Variants in GRIK4 observed in about 807,000 individuals in gnomAD.
GRIK4 encodes glutamate ionotropic receptor kainate type subunit 4.
A neutral mutation model predicts 104.9 loss-of-function variants in GRIK4; 40 were observed. The observed-to-expected ratio is 0.38, with a 90% CI of 0.30 to 0.50. GRIK4 has a LOEUF of 0.50. Ranked by LOEUF, GRIK4 falls within the 20% of genes least tolerant of loss-of-function variation. The pLI, the probability that GRIK4 is intolerant of heterozygous loss-of-function variation, is 0.93. For synonymous variants in GRIK4, 485 were observed against 524.9 expected (o/e 0.92, Z 1.04); for missense variants, 1,047 against 1,308.1 (o/e 0.80, Z 3.08).
chr11:120,841,097 T>C (rs187985443), intron 8 of GRIK4, among the ~76,000 whole-genome samples: 10 of 152,366 alleles, frequency 6.6e-5, no homozygotes, highest in Admixed American at 6.5e-4. Context: ...CTTTGTATTA[T>C]TGTGGTGAAA....
At chr11:120,841,861 A>G (rs1477308755) in intron 8 of GRIK4, among the ~76,000 whole-genome samples, 1 of 152,118 alleles carries the variant, frequency 6.6e-6, no homozygotes, top group Non-Finnish European at 1.5e-5. Context: ...GAAGTGTGCA[A>G]ATTGGAAGAA....
intron 8 of GRIK4, among the ~76,000 whole-genome samples, chr11:120,853,512 T>C (rs1291960300): frequency 6.6e-6 from 1 of 152,186 alleles, no homozygotes; most frequent in African/African-American, 2.4e-5. Flanking sequence ...AAAGGAATTA[T>C]AATGTCCTCA....
intron 1 of GRIK4, among the ~76,000 whole-genome samples, chr11:120,553,498 G>C (rs1948158881): frequency 6.6e-6 from 1 of 152,230 alleles, no homozygotes; most frequent in African/African-American, 2.4e-5. Context: ...TGTGGAAAGA[G>C]AGGGGAACAA....
intron 9 of GRIK4, chr11:120,862,377 G>T (rs965671461): frequency 5.2e-6 from 2 of 388,278 alleles, no homozygotes; most frequent in East Asian, 4.1e-5. Flanking sequence ...GTCCCCTGTG[G>T]CCAGACTCTC....
intron 18 of GRIK4, chr11:120,963,058 T>C (rs642280): frequency 0.17 from 27,252 of 164,950 alleles, 2,679 homozygotes; most frequent in East Asian, 0.34. Flanking sequence ...CTATCTCTAC[T>C]AGCAGTGGGA....
At chr11:120,919,071 C>T (rs945913840) in intron 13 of GRIK4, among the ~76,000 whole-genome samples, 10 of 152,180 alleles carry the variant, frequency 6.6e-5, no homozygotes, top group East Asian at 1.9e-4. Flanking sequence ...TCAAAGCCCA[C>T]GGTCATTCTA....
intron 3 of GRIK4, among the ~76,000 whole-genome samples, chr11:120,788,604 G>C (rs554911098): frequency 6.6e-6 from 1 of 151,680 alleles, no homozygotes; most frequent in Non-Finnish European, 1.5e-5. Context: ...AGGGGGAGCC[G>C]TCCCTTCTCT....
chr11:120,623,116 C>G (rs1949210237), intron 1 of GRIK4, among the ~76,000 whole-genome samples: 1 of 152,048 alleles, frequency 6.6e-6, no homozygotes. Context: ...TGTGGGAACC[C>G]CTTGGAGCCA....
At chr11:120,542,212 T>C (rs1948044908) in intron 1 of GRIK4, among the ~76,000 whole-genome samples, 1 of 152,156 alleles carries the variant, frequency 6.6e-6, no homozygotes, top group Admixed American at 6.5e-5. Context: ...AGAAGGACAG[T>C]CTCTTCAATA....
rs1944058174 is a variant in GRIK4, at chr11:120,953,509, G to A, written c.1700+545G>A. 6.6e-6 allele frequency among the ~76,000 whole-genome samples: 1 copy of A among 152,206 alleles called. No homozygotes were observed. Among genetic ancestry groups the A allele is most frequent in the African/African-American group, 2.4e-5 (1 of 41,448 alleles). On this transcript the variant is annotated intron_variant, in intron 15 of 20. Transcript: ENST00000527524. This position sits in a 1 kb window ranked among gnomAD's most constrained non-coding sequence, Gnocchi z 4.9. ...CTGCCTCTGAAAACACAGCTGCCTT[G>A]TCGAATGGGAACCATGGAGGCTGCT...
chr11:120,635,947 C>G (rs554123413), intron 1 of GRIK4, among the ~76,000 whole-genome samples: 3 of 152,316 alleles, frequency 2.0e-5, no homozygotes, highest in African/African-American at 4.8e-5. Flanking sequence ...CACTGTGACC[C>G]CCAAGGCATC....
At chr11:120,769,902 G>A (rs1367233036) in intron 3 of GRIK4, among the ~76,000 whole-genome samples, 2 of 152,154 alleles carry the variant, frequency 1.3e-5, no homozygotes, top group East Asian at 3.8e-4. Flanking sequence ...CAGTTTCTGG[G>A]CAACACTTCT....
chr11:120,735,099 G>T (rs1951197735), intron 3 of GRIK4, among the ~76,000 whole-genome samples: 2 of 152,134 alleles, frequency 1.3e-5, no homozygotes, highest in South Asian at 4.1e-4. Flanking sequence ...CTTTGCTGAG[G>T]TCATGTTTTC....
At chr11:120,804,164 A>G (rs1952672427) in intron 4 of GRIK4, among the ~76,000 whole-genome samples, 1 of 152,212 alleles carries the variant, frequency 6.6e-6, no homozygotes, top group Non-Finnish European at 1.5e-5. Flanking sequence ...AGATAATAGT[A>G]TCTATTCCCT....
chr11:120,945,889 G>C (rs2134665195), intron 14 of GRIK4, among the ~76,000 whole-genome samples: 1 of 152,338 alleles, frequency 6.6e-6, no homozygotes, highest in Admixed American at 6.5e-5. Context: ...GCTATATATA[G>C]ATGGTCCAGC....
intron 11 of GRIK4, among the ~76,000 whole-genome samples, chr11:120,885,395 T>C (rs1262820719): frequency 1.3e-5 from 2 of 151,960 alleles, no homozygotes; most frequent in Non-Finnish European, 2.9e-5. Context: ...TCTTTTTTTT[T>C]TTTTTCTGAG....
rs1944780857 is a variant in GRIK4, at chr11:120,987,721, C to T, written c.*1461C>T. 1.3e-5 allele frequency: 2 copies of T among 152,214 alleles called. No homozygotes were observed. Among genetic ancestry groups the T allele is most frequent in the South Asian group, 4.1e-4 (2 of 4,834 alleles). 9.4% of individuals were successfully genotyped at this position (152,214 alleles called of 1,614,324 possible). A position where few individuals can be genotyped will look rare whatever the true frequency, so the allele number is the denominator to read the frequency against. On this transcript the variant is annotated 3_prime_UTR_variant, in exon 21 of 21. Transcript: ENST00000527524. ...TACCAGGTGACTGCTAGTGACTGCT[C>T]TCCATGTGAGAAGTTTGCAGAGTCC...
intron 9 of GRIK4, among the ~76,000 whole-genome samples, chr11:120,867,353 C>T (rs986350150): frequency 6.6e-6 from 1 of 152,214 alleles, no homozygotes; most frequent in Admixed American, 6.5e-5. Context: ...GAGTCAGTTC[C>T]AGGAAAAAAG....
At chr11:120,937,425 C>T (rs1413815559) in intron 13 of GRIK4, among the ~76,000 whole-genome samples, 1 of 152,168 alleles carries the variant, frequency 6.6e-6, no homozygotes, top group Non-Finnish European at 1.5e-5. Context: ...ACCCCAGTGC[C>T]TTCAAGCTAA....
Sources: gnomAD v4.1 joint callset for allele counts (sites outside exome capture counted in the v4.1 genomes callset) on GRCh38, gnomAD v4.1.1 for gene constraint, Gnocchi (gnomAD v3.1) non-coding constraint, MANE v1.5 for transcripts, NCBI Gene and HGNC (gene_info 2026-07-23, HGNC 2026-07-21) for gene names.